The following PDE11A variants were observed in gnomAD, a reference collection of about 807,000 sequenced individuals.
The protein encoded by PDE11A is dual 3',5'-cyclic-AMP and -GMP phosphodiesterase 11A.
PDE11A carries 100 observed loss-of-function variants against 100.5 expected under a neutral mutation model. The ratio of observed to expected loss-of-function variants is 1.00; its 90% CI spans 0.85 to 1.18. PDE11A has a LOEUF of 1.18. Ranked by LOEUF, PDE11A falls within the 50% of genes most tolerant of loss-of-function variation. The pLI, the probability that PDE11A is intolerant of heterozygous loss-of-function variation, is 0.00. For missense variants in PDE11A, 1,141 were observed against 1,152.6 expected (o/e 0.99, Z 0.15); for synonymous variants, 381 against 420.8 (o/e 0.91, Z 1.16).
Position 177,769,309 on chromosome 2 carries a change from AT to A in PDE11A, c.1788+13del. On this transcript the variant is annotated intron_variant, in intron 10 of 19. Coordinates refer to ENST00000286063, the MANE Select transcript of PDE11A (RefSeq NM_016953.4). Reference sequence around the variant, plus strand: ...AACTGTATGCACTAATAAGGAAACCATTTTCTTCCTTACCTTAAACTTGTCA... The same window carrying A: ...AACTGTATGCACTAATAAGGAAACCATTTCTTCCTTACCTTAAACTTGTCA... 1 of 1,541,144 alleles carries A rather than the reference AT, an allele frequency of 6.5e-7. No individual in the cohort carries two copies. Among genetic ancestry groups the A allele is most frequent in the Non-Finnish European group, 9.0e-7 (1 of 1,113,568 alleles).
At chr2:177,928,053 G>A (rs962323278) in intron 2 of PDE11A, among the ~76,000 whole-genome samples, 4 of 141,008 alleles carry the variant, frequency 2.8e-5, no homozygotes, top group Non-Finnish European at 6.0e-5. Flanking sequence ...GTGGTGAGCC[G>A]AGATCGCGCC....
At chr2:177,968,777 G>T (rs1296834952) in intron 2 of PDE11A, among the ~76,000 whole-genome samples, 1 of 152,180 alleles carries the variant, frequency 6.6e-6, no homozygotes, top group Non-Finnish European at 1.5e-5. Flanking sequence ...AACAGATGCT[G>T]GCGAGGATAT....
intron 9 of PDE11A, among the ~76,000 whole-genome samples, chr2:177,814,911 T>C (rs1031782703): frequency 6.6e-6 from 1 of 152,158 alleles, no homozygotes; most frequent in Non-Finnish European, 1.5e-5. Context: ...TGGCCATTCA[T>C]GCTGCAACGC....
intron 2 of PDE11A, among the ~76,000 whole-genome samples, chr2:178,099,471 T>G (rs995053189): frequency 4.2e-5 from 6 of 143,032 alleles, no homozygotes; most frequent in African/African-American, 1.3e-4. Flanking sequence ...AAAAAAAAAT[T>G]GAAGAACAAA....
At chr2:177,851,938 C>A (rs949395207) in intron 5 of PDE11A, among the ~76,000 whole-genome samples, 1 of 152,064 alleles carries the variant, frequency 6.6e-6, no homozygotes, top group Non-Finnish European at 1.5e-5. Flanking sequence ...GTGCACTGTT[C>A]CCCTCTAGGT....
chr2:177,945,882 G>GA (rs2085415208), intron 2 of PDE11A, among the ~76,000 whole-genome samples: 2 of 141,394 alleles, frequency 1.4e-5, no homozygotes. Flanking sequence ...AGGTGGGGGG[G>GA]TCAGCCCCCT....
chr2:178,044,694 T>C (rs1241756362), intron 1 of PDE11A, among the ~76,000 whole-genome samples: 1 of 152,156 alleles, frequency 6.6e-6, no homozygotes, highest in Non-Finnish European at 1.5e-5. Context: ...ATAGTAATTC[T>C]TACCTTTCAG....
intron 5 of PDE11A, among the ~76,000 whole-genome samples, chr2:177,868,699 G>C (rs1430516887): frequency 6.6e-6 from 1 of 152,158 alleles, no homozygotes. Flanking sequence ...CTTTAAAAGT[G>C]CTCTGCTATC....
intron 13 of PDE11A, 162 bp from the exon 14 acceptor site, chr2:177,701,373 A>G: frequency 1.5e-6 from 1 of 649,688 alleles, no homozygotes; most frequent in Non-Finnish European, 2.8e-6. Context: ...TAAATCGTTC[A>G]GGAACTTTCT....
At chr2:177,786,857 G>A (rs1197456070) in intron 9 of PDE11A, among the ~76,000 whole-genome samples, 2 of 151,892 alleles carry the variant, frequency 1.3e-5, no homozygotes, top group Admixed American at 6.6e-5. Context: ...AAAAAGAAAC[G>A]AACAAAGCCT....
chr2:178,073,590 G>GA (rs201804711), upstream of PDE11A, among the ~76,000 whole-genome samples: 196 of 151,728 alleles, frequency 1.3e-3, no homozygotes, highest in African/African-American at 3.6e-3. Context: ...GATTTAAAAA[G>GA]AAAAAAAACA....
At chr2:178,032,029 A>G (rs1253310744) in intron 1 of PDE11A, among the ~76,000 whole-genome samples, 3 of 152,332 alleles carry the variant, frequency 2.0e-5, no homozygotes, top group Non-Finnish European at 4.4e-5. Flanking sequence ...ACCCATGCAC[A>G]TATAGAAAAT....
At position 177,805,867 on chromosome 2, in the gene PDE11A, T is replaced by C. The variant is rs530898876; in HGVS notation, c.1737+10962A>G. Among the ~76,000 whole-genome samples the C allele has an allele frequency of 2.7e-4, 41 of 152,276 alleles. No homozygotes were observed. The South Asian group carries it at 6.6e-3, about 25-fold the overall frequency. ...AAAAGAGACAAAGCAAAAATCATACTTCATTTTAAAGCTGTCAAAGAGTGA... is the reference window on the plus strand; with the variant it reads ...AAAAGAGACAAAGCAAAAATCATACCTCATTTTAAAGCTGTCAAAGAGTGA... On this transcript the variant is annotated intron_variant, in intron 9 of 19. Coordinates refer to ENST00000286063, the MANE Select transcript of PDE11A (RefSeq NM_016953.4).
intron 5 of PDE11A, among the ~76,000 whole-genome samples, chr2:177,847,039 C>A (rs2083612554): frequency 6.6e-6 from 1 of 152,176 alleles, no homozygotes; most frequent in Non-Finnish European, 1.5e-5. Flanking sequence ...CCATGATCAT[C>A]CACCTAACAT....
At chr2:177,914,034 G>A (rs532394155) in intron 2 of PDE11A, among the ~76,000 whole-genome samples, 2 of 151,938 alleles carry the variant, frequency 1.3e-5, no homozygotes, top group South Asian at 4.2e-4. Flanking sequence ...TACAACACTG[G>A]GTATTACCAT....
intron 6 of PDE11A, among the ~76,000 whole-genome samples, chr2:177,821,144 T>C (rs2083132796): frequency 6.6e-6 from 1 of 152,070 alleles, no homozygotes; most frequent in South Asian, 2.1e-4. Flanking sequence ...GAGCCACATA[T>C]TTTAAACACT....
chr2:178,097,182 G>A lies in PDE11A; in HGVS notation c.162+7120C>T, dbSNP rs190806248. On this transcript the variant is annotated intron_variant, in intron 2 of 20. Transcript: ENST00000358450. ...ATTACAGGTGTGAGCCACCGTGCTC[G>A]GCCATCTCTTACACATTTTTAAGTA... Among the ~76,000 whole-genome samples the A allele has an allele frequency of 3.1e-3, 469 of 152,234 alleles. 7 individuals carry two copies. The highest frequency in any genetic ancestry group is 6.8e-3 in the East Asian group (35 of 5,184).
At chr2:177,641,572 C>T (rs999981508) in intron 19 of PDE11A, among the ~76,000 whole-genome samples, 3 of 152,142 alleles carry the variant, frequency 2.0e-5, no homozygotes, top group African/African-American at 7.2e-5. Context: ...CTCACTCCTT[C>T]CCTCCCCAGT....
chr2:178,073,176 T>G, upstream of PDE11A: 2 of 562,710 alleles, frequency 3.6e-6, no homozygotes, highest in Non-Finnish European at 4.5e-6. Context: ...GAATCGAGAG[T>G]GTCGTTCACC....
Sources: allele counts gnomAD v4.1 joint callset (sites outside exome capture counted in the v4.1 genomes callset), GRCh38; gene constraint gnomAD v4.1.1; transcripts MANE v1.5; gene names NCBI Gene and HGNC (gene_info 2026-07-23, HGNC 2026-07-21).